RALGPS2: variants seen among roughly 807,000 people sequenced by gnomAD.
RALGPS2 encodes the protein ras-specific guanine nucleotide-releasing factor RalGPS2.
RALGPS2 carries 43 observed loss-of-function variants against 86.8 expected under a neutral mutation model. The ratio of observed to expected loss-of-function variants is 0.50; its 90% CI spans 0.39 to 0.64. The LOEUF is 0.64. Ranked by LOEUF, RALGPS2 falls within the 30% of genes least tolerant of loss-of-function variation. The pLI is 0.00. For synonymous variants in RALGPS2, 243 were observed against 231.3 expected, an observed-to-expected ratio of 1.05 and a Z score of -0.46; for missense variants, 536 against 694.6, an observed-to-expected ratio of 0.77 and a Z score of 2.57.
chr1:178,757,218 T>C (rs1224193665), intron 1 of RALGPS2, among the ~76,000 whole-genome samples: 1 of 152,200 alleles, frequency 6.6e-6, no homozygotes, highest in Non-Finnish European at 1.5e-5. Flanking sequence ...CTTTAGGGTT[T>C]TCTAGGTATA....
intron 8 of RALGPS2, chr1:178,870,701 G>A (rs913403503): frequency 2.6e-5 from 4 of 152,066 alleles, no homozygotes; most frequent in African/African-American, 9.7e-5. Context: ...TTATGCATTT[G>A]CTATACATAA....
intron 19 of RALGPS2, among the ~76,000 whole-genome samples, chr1:178,915,792 T>G (rs1380215326): frequency 1.3e-5 from 2 of 152,172 alleles, no homozygotes; most frequent in Non-Finnish European, 1.5e-5. Flanking sequence ...GGAAAACTGG[T>G]TTTGAGGATT....
At chr1:178,811,526 T>C (rs1477968044) in intron 6 of RALGPS2, 122 bp downstream of exon 6, 4 of 685,698 alleles carry the variant, frequency 5.8e-6, no homozygotes, top group Admixed American at 3.3e-5. Context: ...CTCATTGATA[T>C]AAGTCAATTT....
chr1:178,777,426 A>C (rs949159209), intron 2 of RALGPS2, among the ~76,000 whole-genome samples: 7 of 151,916 alleles, frequency 4.6e-5, no homozygotes, highest in Non-Finnish European at 8.8e-5. Flanking sequence ...TTCCATGCTC[A>C]TGGGTAGGAA....
At chr1:178,782,396 A>G (rs963400299) in intron 2 of RALGPS2, among the ~76,000 whole-genome samples, 2 of 152,154 alleles carry the variant, frequency 1.3e-5, no homozygotes, top group African/African-American at 4.8e-5. Context: ...ATACACCCAG[A>G]TAGAAAGTAA....
chr1:178,816,170 G>A (rs984941937), intron 6 of RALGPS2, among the ~76,000 whole-genome samples: 3 of 152,008 alleles, frequency 2.0e-5, no homozygotes, highest in African/African-American at 4.8e-5. Context: ...AACATAACCC[G>A]GTTGGTTTTA....
At chr1:178,747,571 G>A in intron 1 of RALGPS2, 1 of 1,611,322 alleles carries the variant, frequency 6.2e-7, no homozygotes. Context: ...GGCAGCATGT[G>A]TTAGGAAGTG....
intron 10 of RALGPS2, among the ~76,000 whole-genome samples, chr1:178,881,919 T>C (rs1381253677): frequency 1.3e-5 from 2 of 152,184 alleles, no homozygotes. Context: ...AGAAATGGCA[T>C]GTCACTTACA....
At chr1:178,759,712 T>C (rs1652139349) in intron 1 of RALGPS2, among the ~76,000 whole-genome samples, 1 of 152,080 alleles carries the variant, frequency 6.6e-6, no homozygotes, top group African/African-American at 2.4e-5. Context: ...ATTCTTTGAG[T>C]CCGTTAATAT....
intron 13 of RALGPS2, among the ~76,000 whole-genome samples, chr1:178,888,955 G>A (rs1659605143): frequency 6.6e-6 from 1 of 152,026 alleles, no homozygotes; most frequent in Non-Finnish European, 1.5e-5. Flanking sequence ...TTTTTTGAGA[G>A]CCAGAATTAC....
chr1:178,742,621 A>G (rs960223986), intron 1 of RALGPS2, among the ~76,000 whole-genome samples: 35 of 152,264 alleles, frequency 2.3e-4, no homozygotes, highest in African/African-American at 6.8e-4. Context: ...ATTAACATTT[A>G]CAGAATCTCC....
chr1:178,820,757 T>A (rs187176640), intron 6 of RALGPS2, among the ~76,000 whole-genome samples: 2 of 152,332 alleles, frequency 1.3e-5, no homozygotes, highest in East Asian at 3.9e-4. Flanking sequence ...TTGAATGGTT[T>A]TCCAGTTAGA....
At position 178,793,870 on chromosome 1, in the gene RALGPS2, T is replaced by C. The variant is rs114825321; in HGVS notation, c.213+8263T>C. On this transcript the variant is annotated intron_variant, in intron 4 of 19. Coordinates refer to ENST00000367635, the MANE Select transcript of RALGPS2 (RefSeq NM_152663.5). ...CCTTTCTACAGAAACAGGAGTTTTT[T>C]CCTTCCCATAATTTAGGCTATATTT... Among the ~76,000 whole-genome samples the C allele has an allele frequency of 9.1e-3, 1,390 of 152,298 alleles. 25 individuals are homozygous for C. The highest frequency in any genetic ancestry group is 0.029 in the African/African-American group (1,223 of 41,568).
intron 8 of RALGPS2, among the ~76,000 whole-genome samples, chr1:178,838,577 G>C (rs1000829308): frequency 1.3e-5 from 2 of 152,120 alleles, no homozygotes; most frequent in Non-Finnish European, 2.9e-5. Context: ...GGAAAAAACA[G>C]AACAGAAAAG....
chr1:178,902,499 C>A (rs1305972909), intron 18 of RALGPS2, among the ~76,000 whole-genome samples: 1 of 152,004 alleles, frequency 6.6e-6, no homozygotes, highest in African/African-American at 2.4e-5. Context: ...CCCAGCTAAT[C>A]CCTAGAGACC....
chr1:178,865,281 A>G (rs368594948), intron 8 of RALGPS2: 10 of 1,614,126 alleles, frequency 6.2e-6, no homozygotes, highest in Non-Finnish European at 7.6e-6. Flanking sequence ...GCCATCTTCA[A>G]CATTTCTGTG....
At chr1:178,907,085 TATATAAAGAAAACA>T (rs1229255647) in intron 19 of RALGPS2, among the ~76,000 whole-genome samples, 2 of 152,188 alleles carry the variant, frequency 1.3e-5, no homozygotes, top group African/African-American at 4.8e-5. Flanking sequence ...CAGTCAGAAC[TATATAAAGAAAACA>T]ATAGACGTAT....
chr1:178,792,838 G>C (rs1437618841), intron 4 of RALGPS2, among the ~76,000 whole-genome samples: 1 of 152,208 alleles, frequency 6.6e-6, no homozygotes, highest in African/African-American at 2.4e-5. Context: ...TGTAATTACA[G>C]TGATTATAAA....
chr1:178,870,373 G>A (rs565599806), intron 8 of RALGPS2, among the ~76,000 whole-genome samples: 2 of 152,212 alleles, frequency 1.3e-5, no homozygotes, highest in South Asian at 4.1e-4. Context: ...CGACTATTTA[G>A]TTTGTATTCC....
Sources: gnomAD v4.1 joint callset for allele counts (sites outside exome capture counted in the v4.1 genomes callset) on GRCh38, gnomAD v4.1.1 for gene constraint, MANE v1.5 for transcripts, NCBI Gene and HGNC (gene_info 2026-07-23, HGNC 2026-07-21) for gene names.